Variants in METTL5 observed in about 807,000 individuals in gnomAD.
METTL5 encodes rRNA N(6)-adenosine-methyltransferase METTL5.
METTL5 carries 28 observed loss-of-function variants against 26.5 expected under a neutral mutation model. That is an observed-to-expected ratio of 1.06 (90% CI 0.78 to 1.45). The LOEUF is 1.45. Ranked by LOEUF, METTL5 falls within the 40% of genes most tolerant of loss-of-function variation. The pLI, the probability that METTL5 is intolerant of heterozygous loss-of-function variation, is 0.00. For synonymous variants in METTL5, 86 were observed against 82.6 expected, an observed-to-expected ratio of 1.04 and a Z score of -0.22; for missense variants, 231 against 249.9, an observed-to-expected ratio of 0.92 and a Z score of 0.51.
At chr2:169,822,127 TTTCTAAAATAA>T in intron 1 of METTL5, 70 bp from the exon 2 acceptor site, 1 of 1,530,438 alleles carries the variant, frequency 6.5e-7, no homozygotes, top group Non-Finnish European at 8.7e-7. Context: ...CAAATGACTC[TTTCTAAAATAA>T]TTTCTTGTGT....
chr2:169,822,306 A>T (rs2081595793), intron 1 of METTL5, among the ~76,000 whole-genome samples: 1 of 106,516 alleles, frequency 9.4e-6, no homozygotes, highest in Non-Finnish European at 2.3e-5. Flanking sequence ...GAATGACAAA[A>T]CTGTGCCCAG....
intron 4 of METTL5, among the ~76,000 whole-genome samples, chr2:169,816,372 C>G (rs1310812238): frequency 1.3e-5 from 2 of 152,172 alleles, no homozygotes; most frequent in African/African-American, 2.4e-5. Flanking sequence ...GGCCATACTA[C>G]CCAAGGTAAT....
At chr2:169,820,990 AAAGCACTGGC>A in intron 3 of METTL5, 92 bp downstream of exon 3, 1 of 990,918 alleles carries the variant, frequency 1.0e-6, no homozygotes, top group Non-Finnish European at 1.5e-6. Context: ...TCAGCCTCGC[AAAGCACTGGC>A]ATTACACGCC....
chr2:169,813,700 AT>A (rs1690056105), intron 5 of METTL5, among the ~76,000 whole-genome samples: 1 of 149,508 alleles, frequency 6.7e-6, no homozygotes, highest in South Asian at 2.1e-4. Context: ...ACTAAAAATA[AT>A]AATAATAAAA....
At position 169,822,004 on chromosome 2, in the gene METTL5, C is replaced by T. The variant is rs372758282; in HGVS notation, c.163G>A (p.Val55Ile). 26 of 1,612,722 alleles carry T rather than the reference C, an allele frequency of 1.6e-5. No individual in the cohort carries two copies. Among genetic ancestry groups the T allele is most frequent in the East Asian group, 6.7e-5 (3 of 44,860 alleles). Residue 55 changes from valine to isoleucine, a missense_variant, in exon 2 of 7, where the codon GTT becomes ATT. Coordinates refer to ENST00000260953, the MANE Select transcript of METTL5 (RefSeq NM_014168.4). ...CCACAACCACATCCTAGATCTGCAA[C>T]GACTTTATTTTCAATGTCATCATAA... The part of the protein sequence containing the change: ...NTYDDIENKV[V>I]ADLGCGCGVL...
At position 169,824,900 on chromosome 2, in the gene METTL5, G is replaced by C. The variant is rs910289738; in HGVS notation, c.-303C>G. The C allele has an allele frequency of 5.2e-6, 1 of 193,036 alleles. No individual in the cohort carries two copies. Among genetic ancestry groups the C allele is most frequent in the Non-Finnish European group, 1.0e-5 (1 of 95,526 alleles). 12.0% of individuals were successfully genotyped at this position (193,036 alleles called of 1,614,324 possible). ...GGCGACCCGCACCTCGGCCGGTGCCGGAAGCGCCAGGCCGCACGCGCGCAC... is the reference window on the plus strand; with the variant it reads ...GGCGACCCGCACCTCGGCCGGTGCCCGAAGCGCCAGGCCGCACGCGCGCAC... On this transcript the variant is annotated 5_prime_UTR_variant, in exon 1 of 7. Transcript: ENST00000260953.
Position 169,820,600 on chromosome 2 carries a change from A to G in METTL5, c.406+492T>C, listed in dbSNP as rs181102186. On this transcript the variant is annotated intron_variant, in intron 3 of 6. Transcript: ENST00000260953. ...AATTGAAATGTAAATTATAAGAACT[A>G]TACAAATAAGAGATTGGTTTACTTA... is the stretch of plus-strand genomic sequence containing the variant. 9.8e-5 allele frequency among the ~76,000 whole-genome samples: 15 copies of G among 152,380 alleles called. No homozygotes were observed. In the East Asian group the frequency reaches 1.9e-3, roughly 20 times the overall value.
At chr2:169,824,188 CA>C (rs1268622800) in intron 1 of METTL5, 1 of 280,188 alleles carries the variant, frequency 3.6e-6, no homozygotes, top group Non-Finnish European at 6.9e-6. Context: ...CAAGTATGAA[CA>C]AGTCTAACAA....
intron 2 of METTL5, 102 bp downstream of exon 2, chr2:169,821,841 T>C: frequency 9.7e-7 from 1 of 1,031,058 alleles, no homozygotes; most frequent in Non-Finnish European, 1.5e-6. Context: ...TTGCTCCCTA[T>C]ATCTCATTCT....
In METTL5 at chr2:169,822,944, A is replaced by G. The variant is rs1420139968; in HGVS notation, c.110-887T>C. Among the ~76,000 whole-genome samples the G allele has an allele frequency of 2.6e-5, 4 of 152,308 alleles. No individual in the cohort carries two copies. The East Asian group carries it at 7.7e-4, about 29-fold the overall frequency. On this transcript the variant is annotated intron_variant, in intron 1 of 6. Transcript: ENST00000260953. ...TATTTCCCTGAAGATATCTGAACCCAGCAAGGACTGTTGGCCACTGATTCC... is the reference window on the plus strand; with the variant it reads ...TATTTCCCTGAAGATATCTGAACCCGGCAAGGACTGTTGGCCACTGATTCC...
chr2:169,823,997 A>C (rs1470030650), intron 1 of METTL5, among the ~76,000 whole-genome samples: 1 of 152,256 alleles, frequency 6.6e-6, no homozygotes, highest in Non-Finnish European at 1.5e-5. Context: ...TACACAGCAC[A>C]TACTCTGATT....
intron 3 of METTL5, among the ~76,000 whole-genome samples, chr2:169,820,508 G>A (rs565899495): frequency 3.1e-4 from 47 of 152,228 alleles, no homozygotes; most frequent in Non-Finnish European, 5.6e-4. Flanking sequence ...GACTATCTTT[G>A]TTTACTTAAT....
intron 4 of METTL5, among the ~76,000 whole-genome samples, chr2:169,817,552 C>T (rs2105716625): frequency 6.6e-6 from 1 of 152,176 alleles, no homozygotes; most frequent in South Asian, 2.1e-4. Flanking sequence ...CGATAATAGA[C>T]TGGATAAAGA....
At chr2:169,819,430 A>ATCC (rs1007464357) in intron 4 of METTL5, 131 bp downstream of exon 4, 8 of 602,552 alleles carry the variant, frequency 1.3e-5, no homozygotes, top group Non-Finnish European at 1.9e-5. Context: ...TAAGTGGAAA[A>ATCC]TTTAAGTTTC....
In METTL5 at chr2:169,811,781, T is replaced by G. The variant is rs1325812330; in HGVS notation, c.*39A>C. ...GTTTAGTAAACCAATTTTTTATTCATTTTAAATAGGTTTTAAACGACTTTT... is the reference window on the plus strand; with the variant it reads ...GTTTAGTAAACCAATTTTTTATTCAGTTTAAATAGGTTTTAAACGACTTTT... On this transcript the variant is annotated 3_prime_UTR_variant, in exon 7 of 7. Transcript: ENST00000260953. 1 of 1,613,420 alleles carries G rather than the reference T, an allele frequency of 6.2e-7. No individual in the cohort carries two copies. The highest frequency in any genetic ancestry group is 8.5e-7 in the Non-Finnish European group (1 of 1,179,740).
chr2:169,814,955 G>A (rs1192064336), intron 5 of METTL5, among the ~76,000 whole-genome samples: 1 of 151,480 alleles, frequency 6.6e-6, no homozygotes, highest in Non-Finnish European at 1.5e-5. Flanking sequence ...ACAGTGGTGC[G>A]ATCTCGGCTC....
intron 3 of METTL5, 71 bp downstream of exon 3, chr2:169,821,021 C>T (rs532778299): frequency 7.0e-5 from 91 of 1,304,136 alleles, no homozygotes; most frequent in Admixed American, 4.9e-4. Context: ...TGAGCCACTG[C>T]GCCTGGCCTT....
At chr2:169,815,335 A>T in intron 5 of METTL5, 142 bp downstream of exon 5, 1 of 607,066 alleles carries the variant, frequency 1.6e-6, no homozygotes, top group Non-Finnish European at 3.0e-6. Flanking sequence ...TTCTGCTTTT[A>T]CTCCATTTCC....
chr2:169,812,525 C>T lies in METTL5; in HGVS notation c.542-19G>A, dbSNP rs1690007712. ...CGAAGTTCTGTAAAACAAAAGCCAC[C>T]TAAGGATAAAATTGTATTTCCAAGC... On this transcript the variant is annotated intron_variant, in intron 5 of 6. Coordinates refer to ENST00000260953, the MANE Select transcript of METTL5 (RefSeq NM_014168.4). 1.2e-6 allele frequency: 2 copies of T among 1,611,240 alleles called. No individual in the cohort carries two copies. Among genetic ancestry groups the T allele is most frequent in the African/African-American group, 2.7e-5 (2 of 74,680 alleles).
Sources: gnomAD v4.1 joint callset for allele counts (sites outside exome capture counted in the v4.1 genomes callset) on GRCh38, gnomAD v4.1.1 for gene constraint, MANE v1.5 for transcripts, NCBI Gene and HGNC (gene_info 2026-07-23, HGNC 2026-07-21) for gene names.